The following ANXA8 variants were observed in gnomAD, a reference collection of about 807,000 sequenced individuals.
ANXA8 encodes VAC-beta.
Under a neutral mutation model 26.8 loss-of-function variants are expected in ANXA8, and 9 were observed. The ratio of observed to expected loss-of-function variants is 0.34; its 90% CI spans 0.20 to 0.59. ANXA8 has a LOEUF of 0.59. ANXA8 is among the 20% of genes least tolerant of loss of function. ANXA8 has a pLI of 0.84. For synonymous variants in ANXA8, 39 were observed against 94.8 expected (o/e 0.41, Z 3.42); for missense variants, 83 against 238.5 (o/e 0.35, Z 4.29).
the ANXA8 span, chr10:47,986,769 GT>G: frequency 2.7e-6 from 1 of 375,394 alleles, no homozygotes; most frequent in Non-Finnish European, 5.3e-6. Flanking sequence ...CCGCTTCTCT[GT>G]CCAGGGAACG....
chr10:47,894,945 C>T, the ANXA8 span, among the ~76,000 whole-genome samples: 2 of 152,066 alleles, frequency 1.3e-5, no homozygotes, highest in Admixed American at 6.5e-5. Context: ...TAACACAGCA[C>T]GCACTACACA....
Position 47,483,999 on chromosome 10 carries a change from T to G in ANXA8, c.-66A>C. 1.2e-6 allele frequency: 2 copies of G among 1,611,654 alleles called. No individual in the cohort carries two copies. The highest frequency in any genetic ancestry group is 1.7e-6 in the Non-Finnish European group (2 of 1,179,848). On this transcript the variant is annotated 5_prime_UTR_variant, in exon 1 of 12. Transcript: ENST00000585281. The stretch of plus-strand genomic sequence containing the variant: ...GACACAGGTTGGCCTCTGCTGGGAC[T>G]CCACACGTCTGGCTCCTGCAGCTGA...
At chr10:47,489,691 C>T in the ANXA8 span, 1 of 601,104 alleles carries the variant, frequency 1.7e-6, no homozygotes, top group South Asian at 1.9e-5. Flanking sequence ...TCAGAGCAGG[C>T]CGGCTGCCCC....
chr10:47,911,358 G>T, the ANXA8 span, among the ~76,000 whole-genome samples: 2 of 149,092 alleles, frequency 1.3e-5, no homozygotes, highest in African/African-American at 2.5e-5. Flanking sequence ...TCATCTGCAG[G>T]CTCCACTAAA....
the ANXA8 span, among the ~76,000 whole-genome samples, chr10:47,535,650 G>A: frequency 6.8e-5 from 9 of 133,092 alleles, no homozygotes; most frequent in East Asian, 4.5e-4. Context: ...ATATAGATAC[G>A]TATATAAAGC....
At chr10:47,960,390 C>T in the ANXA8 span, among the ~76,000 whole-genome samples, 50 of 144,874 alleles carry the variant, frequency 3.5e-4, 3 homozygotes, top group African/African-American at 1.2e-3. Context: ...CACTGATGGC[C>T]TCCCTCCTCT....
the ANXA8 span, among the ~76,000 whole-genome samples, chr10:47,548,543 C>T: frequency 1.3e-5 from 2 of 152,120 alleles, no homozygotes; most frequent in South Asian, 4.1e-4. Context: ...TCAGGTGATT[C>T]ACCCACTTCG....
At chr10:47,694,578 G>A in the ANXA8 span, among the ~76,000 whole-genome samples, 12 of 151,374 alleles carry the variant, frequency 7.9e-5, no homozygotes, top group Non-Finnish European at 5.9e-5. Flanking sequence ...CCGCCACCAC[G>A]CCTGACTAAT....
chr10:47,726,670 A>G, the ANXA8 span, among the ~76,000 whole-genome samples: 1 of 152,274 alleles, frequency 6.6e-6, no homozygotes. Context: ...CTCTTGGGGA[A>G]AAAAAAACCT....
chr10:47,700,941 G>T, the ANXA8 span, among the ~76,000 whole-genome samples: 2 of 151,176 alleles, frequency 1.3e-5, no homozygotes, highest in South Asian at 2.1e-4. Flanking sequence ...AATTAGCCAG[G>T]TGTGGTGGTG....
the ANXA8 span, chr10:47,986,547 C>T: frequency 6.0e-6 from 2 of 331,146 alleles, no homozygotes; most frequent in Middle Eastern, 1.1e-3. Context: ...CTCAGGGACC[C>T]ACATGGGCCA....
At chr10:47,974,734 T>A in the ANXA8 span, among the ~76,000 whole-genome samples, 1 of 148,384 alleles carries the variant, frequency 6.7e-6, no homozygotes, top group Non-Finnish European at 1.5e-5. Flanking sequence ...TAGTTTCTAT[T>A]TTTATCGCAC....
the ANXA8 span, among the ~76,000 whole-genome samples, chr10:47,979,028 C>T: frequency 1.3e-5 from 2 of 151,650 alleles, no homozygotes; most frequent in Admixed American, 6.6e-5. Flanking sequence ...GCTAGTTATA[C>T]TAACAGTAGA....
At chr10:47,709,263 C>A in the ANXA8 span, among the ~76,000 whole-genome samples, 1 of 146,228 alleles carries the variant, frequency 6.8e-6, no homozygotes, top group African/African-American at 2.7e-5. Flanking sequence ...CCTGTTACAT[C>A]CCTTTTCTTT....
chr10:47,557,401 G>A, the ANXA8 span, among the ~76,000 whole-genome samples: 1 of 151,436 alleles, frequency 6.6e-6, no homozygotes, highest in Admixed American at 6.6e-5. Context: ...ATTTCAGATG[G>A]TCATTACTTA....
the ANXA8 span, among the ~76,000 whole-genome samples, chr10:47,593,411 G>T: frequency 1.3e-5 from 2 of 149,866 alleles, no homozygotes; most frequent in Non-Finnish European, 2.9e-5. Flanking sequence ...GTGCACTGTT[G>T]CAGATGCAAC....
intron 11 of ANXA8, among the ~76,000 whole-genome samples, chr10:47,470,159 A>G (rs1839284360): frequency 6.6e-6 from 1 of 151,910 alleles, no homozygotes; most frequent in Admixed American, 6.5e-5. Context: ...TTTGCCTCTT[A>G]ATTTCAATGC....
At chr10:47,676,653 C>T in the ANXA8 span, among the ~76,000 whole-genome samples, 200 of 151,650 alleles carry the variant, frequency 1.3e-3, 1 homozygote, top group Non-Finnish European at 1.7e-3. Context: ...AGTCCAGGCA[C>T]GGTGGCTCAC....
At chr10:47,881,472 C>CGTGTGTGTGAG in the ANXA8 span, among the ~76,000 whole-genome samples, 4 of 2,228 alleles carry the variant, frequency 1.8e-3, no homozygotes, top group Admixed American at 5.6e-3. Flanking sequence ...ACTCACTACT[C>CGTGTGTGTGAG]CCTGGGCAAC....
Sources: gnomAD v4.1 joint callset for allele counts (sites outside exome capture counted in the v4.1 genomes callset) on GRCh38, gnomAD v4.1.1 for gene constraint, MANE v1.5 for transcripts, NCBI Gene and HGNC (gene_info 2026-07-23, HGNC 2026-07-21) for gene names.